The following CLMN variants were observed in gnomAD, a reference collection of about 807,000 sequenced individuals.
The protein encoded by CLMN is calmin, also known as calmin (calponin-like, transmembrane).
CLMN carries 57 observed loss-of-function variants against 92.7 expected under a neutral mutation model. The ratio of observed to expected loss-of-function variants is 0.61; its 90% confidence interval spans 0.50 to 0.77. The LOEUF (loss-of-function observed/expected upper bound fraction) is 0.77. CLMN is among the 30% of genes least tolerant of loss of function. CLMN has a pLI of 0.00. For synonymous variants in CLMN, 466 were observed against 470.6 expected (o/e 0.99, Z 0.13); for missense variants, 1,158 against 1,237.5 (o/e 0.94, Z 0.96).
At chr14:95,273,269 A>G (rs1034285041) in intron 1 of CLMN, among the ~76,000 whole-genome samples, 2 of 152,188 alleles carry the variant, frequency 1.3e-5, no homozygotes, top group African/African-American at 4.8e-5. Context: ...TGTCTGGCCC[A>G]GGACCGCTCT....
Position 95,209,414 on chromosome 14 carries a change from C to T in CLMN, c.866G>A (p.Arg289His), listed in dbSNP as rs768716444. The part of the protein sequence containing the change: ...IMTYVAQFLE[R>H]FPELEAEDIF... ...ACATACGGCTTCCAACTCCGGAAAA[C>T]GTTCTAGAAACTGTGCCACGTAAGT... The change falls in exon 8 of 13, where the codon CGT becomes CAT. Residue 289 changes from arginine (R) to histidine (H), a missense_variant. Arg to His is a conservative substitution (Grantham distance 29). Transcript: ENST00000298912. 3.7e-6 allele frequency: 6 copies of T among 1,614,084 alleles called. No individual in the cohort carries two copies. The highest frequency in any genetic ancestry group is 3.3e-5 in the Admixed American group (2 of 60,016).
chr14:95,273,560 A>G (rs781729109), intron 1 of CLMN, among the ~76,000 whole-genome samples: 4 of 152,194 alleles, frequency 2.6e-5, no homozygotes, highest in Non-Finnish European at 5.9e-5. Context: ...CATGCTCAGG[A>G]AAGGCCCTGA....
At chr14:95,264,907 C>T (rs1443729001) in intron 1 of CLMN, among the ~76,000 whole-genome samples, 4 of 147,656 alleles carry the variant, frequency 2.7e-5, no homozygotes, top group Admixed American at 6.8e-5. Context: ...ACCAAAACAC[C>T]GTCAGATCTC....
At chr14:95,248,775 T>G (rs536142409) in intron 1 of CLMN, among the ~76,000 whole-genome samples, 33 of 152,328 alleles carry the variant, frequency 2.2e-4, no homozygotes, top group African/African-American at 7.7e-4. Context: ...AGGGCTTCCC[T>G]GCATAAACAA....
At position 95,227,073 on chromosome 14, in the gene CLMN, G is replaced by A. The variant is rs564662724; in HGVS notation, c.144+2999C>T. 2.0e-5 allele frequency among the ~76,000 whole-genome samples: 3 copies of A among 152,282 alleles called. No homozygotes were observed. The South Asian group carries it at 6.2e-4, about 32-fold the overall frequency. The stretch of plus-strand genomic sequence containing the variant: ...TCCTGATGGGAGACAGGATTAATGG[G>A]GCATGGAGCTCCTGAGGCCAACGGG... On this transcript the variant is annotated intron_variant, in intron 2 of 12. Coordinates refer to ENST00000298912, the MANE Select transcript of CLMN (RefSeq NM_024734.4).
chr14:95,282,261 T>C (rs887265853), intron 1 of CLMN, among the ~76,000 whole-genome samples: 2 of 152,058 alleles, frequency 1.3e-5, no homozygotes, highest in Non-Finnish European at 2.9e-5. Flanking sequence ...TTTGCACTTC[T>C]AGGGAACCAT....
intron 4 of CLMN, among the ~76,000 whole-genome samples, chr14:95,217,090 T>A (rs1279135582): frequency 6.6e-6 from 1 of 152,200 alleles, no homozygotes; most frequent in Non-Finnish European, 1.5e-5. Flanking sequence ...GCCACACTGG[T>A]GTCTGCCACA....
At position 95,190,347 on chromosome 14, in the gene CLMN, C is replaced by G. The variant is rs1211966247; in HGVS notation, c.*1217G>C. 1 of 152,292 alleles carries G rather than the reference C, an allele frequency of 6.6e-6. No homozygotes were observed. Among genetic ancestry groups the G allele is most frequent in the Non-Finnish European group, 1.5e-5 (1 of 68,100 alleles). 9.4% of individuals were successfully genotyped at this position (152,292 alleles called of 1,614,324 possible). ...GGTCGGCTATATGATCTTGGTCAAG[C>G]TGCTCTGTCTCTCTGGGTCCAGCTA... On this transcript the variant is annotated 3_prime_UTR_variant, in exon 13 of 13. Transcript: ENST00000298912.
Position 95,185,560 on chromosome 14 carries a change from G to A in CLMN, c.*6004C>T, listed in dbSNP as rs1224755155. The stretch of plus-strand genomic sequence containing the variant: ...ATCTTCCCCAAATGCTGTGTCAGCA[G>A]TGATTATGCAATGTCGGGGAAGGAG... On this transcript the variant is annotated 3_prime_UTR_variant, in exon 13 of 13. Transcript: ENST00000298912. 6.6e-6 allele frequency: 1 copy of A among 152,314 alleles called. No homozygotes were observed. Among genetic ancestry groups the A allele is most frequent in the Non-Finnish European group, 1.5e-5 (1 of 68,166 alleles). 9.4% of individuals were successfully genotyped at this position (152,314 alleles called of 1,614,324 possible). A position where few individuals can be genotyped will look rare whatever the true frequency, so the allele number is the denominator to read the frequency against.
At chr14:95,211,427 C>T (rs1897194340) in intron 6 of CLMN, among the ~76,000 whole-genome samples, 2 of 152,130 alleles carry the variant, frequency 1.3e-5, no homozygotes, top group Non-Finnish European at 2.9e-5. Flanking sequence ...AAGAAAGCCA[C>T]TCACTAATGA....
intron 1 of CLMN, among the ~76,000 whole-genome samples, chr14:95,275,503 T>TA (rs1899890861): frequency 6.6e-6 from 1 of 152,170 alleles, no homozygotes; most frequent in Non-Finnish European, 1.5e-5. Context: ...CCATATGGTC[T>TA]AAAAAGGGGA....
chr14:95,284,767 G>A (rs1009393096), intron 1 of CLMN, among the ~76,000 whole-genome samples: 7 of 152,138 alleles, frequency 4.6e-5, no homozygotes, highest in African/African-American at 1.7e-4. Flanking sequence ...GCTTGCTTTT[G>A]ATTTTGCAGA....
At chr14:95,273,785 T>TAA (rs1376960498) in intron 1 of CLMN, among the ~76,000 whole-genome samples, 1 of 152,200 alleles carries the variant, frequency 6.6e-6, no homozygotes, top group African/African-American at 2.4e-5. Context: ...TGTCTCCACT[T>TAA]TGTTGACACA....
intron 10 of CLMN, among the ~76,000 whole-genome samples, chr14:95,196,190 G>A (rs558494109): frequency 2.0e-5 from 3 of 152,270 alleles, no homozygotes; most frequent in South Asian, 4.1e-4. Flanking sequence ...CAAGTCTACC[G>A]CGTTCACCCC....
rs370103154 is a variant in CLMN at position 95,231,092 on chromosome 14, G to A, written c.83-959C>T. ...CCAGGCCATGGACCAGTACTGGTCC[G>A]CGCCTGTTAGGAACTGGCCTGCACA... On this transcript the variant is annotated intron_variant, in intron 1 of 12. Coordinates refer to ENST00000298912, the MANE Select transcript of CLMN (RefSeq NM_024734.4). 3.3e-4 allele frequency among the ~76,000 whole-genome samples: 50 copies of A among 152,214 alleles called. No individual in the cohort carries two copies. The East Asian group carries it at 7.5e-3, about 23-fold the overall frequency.
intron 1 of CLMN, among the ~76,000 whole-genome samples, chr14:95,276,147 C>T (rs1899917872): frequency 6.6e-6 from 1 of 152,188 alleles, no homozygotes; most frequent in Non-Finnish European, 1.5e-5. Context: ...AGGAAATCAA[C>T]TGCAGTCCCA....
At chr14:95,220,108 T>C (rs965485872) in intron 4 of CLMN, among the ~76,000 whole-genome samples, 7 of 151,062 alleles carry the variant, frequency 4.6e-5, no homozygotes, top group African/African-American at 1.5e-4. Flanking sequence ...TCAAGGTTCA[T>C]CCATTATCAG....
intron 2 of CLMN, among the ~76,000 whole-genome samples, chr14:95,227,019 T>A (rs1174017852): frequency 6.6e-6 from 1 of 152,102 alleles, no homozygotes; most frequent in African/African-American, 2.4e-5. Flanking sequence ...GGCATTCACA[T>A]GGGAGATAGG....
At position 95,191,573 on chromosome 14, in the gene CLMN, G is replaced by A; in HGVS notation, c.3000C>T (p.Ser1000=). ...TATCCAGACACACGTATCAGAGCCT[G>A]CTAACATCCAGTTGTGGGAAGAGCA... ...CLLLFPQLDV[S]RL The change falls in exon 13 of 13, where the codon AGC becomes AGT. Residue 1000 remains serine, a synonymous_variant. Transcript: ENST00000298912. The surrounding 1 kb of genome is among the most constrained non-coding windows in gnomAD (Gnocchi z 5.3). 1 of 1,612,596 alleles carries A rather than the reference G, an allele frequency of 6.2e-7. No individual in the cohort carries two copies. The highest frequency in any genetic ancestry group is 8.5e-7 in the Non-Finnish European group (1 of 1,179,418).
Sources: allele counts gnomAD v4.1 joint callset (sites outside exome capture counted in the v4.1 genomes callset), GRCh38; gene constraint gnomAD v4.1.1; non-coding constraint Gnocchi (gnomAD v3.1); transcripts MANE v1.5; gene names NCBI Gene and HGNC (gene_info 2026-07-23, HGNC 2026-07-21).